SRBD1: variants seen among roughly 807,000 people sequenced by gnomAD.
The protein encoded by SRBD1 is S1 RNA binding domain 1.
SRBD1 carries 88 observed loss-of-function variants against 115.3 expected under a neutral mutation model. The observed-to-expected ratio is 0.76, with a 90% CI of 0.64 to 0.91. The LOEUF is 0.91. SRBD1 is among the 40% of genes least tolerant of loss of function. The pLI is 0.00. For synonymous variants in SRBD1, 509 were observed against 407.7 expected, an observed-to-expected ratio of 1.25 and a Z score of -2.99; for missense variants, 1,385 against 1,177.4, an observed-to-expected ratio of 1.18 and a Z score of -2.58.
At chr2:45,604,402 G>T (rs1674199816) in intron 2 of SRBD1, among the ~76,000 whole-genome samples, 1 of 149,132 alleles carries the variant, frequency 6.7e-6, no homozygotes, top group African/African-American at 2.5e-5. Context: ...GGAGGAAGGG[G>T]AGGGCTTAGA....
chr2:45,473,838 C>T (rs1669723910), intron 16 of SRBD1, among the ~76,000 whole-genome samples: 1 of 152,172 alleles, frequency 6.6e-6, no homozygotes, highest in Non-Finnish European at 1.5e-5. Context: ...GAAGACTTGT[C>T]TGTCTTCAGT....
At chr2:45,476,487 A>T (rs1232781061) in intron 16 of SRBD1, among the ~76,000 whole-genome samples, 5 of 152,160 alleles carry the variant, frequency 3.3e-5, no homozygotes, top group African/African-American at 1.2e-4. Context: ...CCATAAATTC[A>T]CTCTGCCAAG....
intron 9 of SRBD1, among the ~76,000 whole-genome samples, chr2:45,563,000 T>C (rs886850349): frequency 2.6e-5 from 4 of 152,236 alleles, no homozygotes; most frequent in Admixed American, 1.3e-4. Context: ...AGAAGAGACT[T>C]TGATGATCTA....
intron 16 of SRBD1, among the ~76,000 whole-genome samples, chr2:45,426,932 T>G (rs565400105): frequency 3.3e-5 from 5 of 152,294 alleles, no homozygotes; most frequent in Non-Finnish European, 7.4e-5. Flanking sequence ...AAAACCAGAA[T>G]GCCTCTTCTC....
chr2:45,419,447 T>C (rs781071653), intron 17 of SRBD1, among the ~76,000 whole-genome samples: 1 of 152,228 alleles, frequency 6.6e-6, no homozygotes, highest in Non-Finnish European at 1.5e-5. Context: ...GACAGATGCA[T>C]GCAAGAGGCT....
chr2:45,554,037 C>CA (rs1364108415), intron 10 of SRBD1, among the ~76,000 whole-genome samples: 1 of 152,010 alleles, frequency 6.6e-6, no homozygotes, highest in African/African-American at 2.4e-5. Flanking sequence ...AGAAAGTCAC[C>CA]AAAAAATTAT....
At chr2:45,535,556 C>A (rs1378952840) in intron 14 of SRBD1, among the ~76,000 whole-genome samples, 1 of 151,942 alleles carries the variant, frequency 6.6e-6, no homozygotes, top group Non-Finnish European at 1.5e-5. Context: ...CACAATTTCT[C>A]AACAATTACC....
At chr2:45,605,953 G>A (rs1426607781) in intron 1 of SRBD1, among the ~76,000 whole-genome samples, 1 of 151,032 alleles carries the variant, frequency 6.6e-6, no homozygotes, top group African/African-American at 2.4e-5. Flanking sequence ...CCTTCCAATG[G>A]TTTAAAACTC....
chr2:45,599,533 T>C lies in SRBD1; in HGVS notation c.564A>G (p.Thr188=), dbSNP rs1674021376. The change falls in exon 4 of 21, where the codon ACA becomes ACG. Residue 188 remains threonine (T), a synonymous_variant. Coordinates refer to ENST00000263736, the MANE Select transcript of SRBD1 (RefSeq NM_018079.5). ...QSALKKIKTE[T]YPQGQPVKFP... ...ACTTGACAGGCTGCCCCTGAGGATA[T>C]GTCTCAGTCTTGATTTTCTTTAAAG... 8 of 1,614,122 alleles carry C rather than the reference T, an allele frequency of 5.0e-6. No homozygotes were observed. The highest frequency in any genetic ancestry group is 1.3e-5 in the African/African-American group (1 of 74,940).
chr2:45,599,911 A>G, intron 3 of SRBD1, 76 bp from the exon 4 acceptor site: 5 of 1,444,132 alleles, frequency 3.5e-6, no homozygotes, highest in Non-Finnish European at 4.6e-6. Flanking sequence ...TCACAAATAA[A>G]AGTGAACAAA....
At chr2:45,471,315 T>C (rs1022158642) in intron 16 of SRBD1, among the ~76,000 whole-genome samples, 7 of 152,198 alleles carry the variant, frequency 4.6e-5, no homozygotes, top group African/African-American at 1.4e-4. Context: ...TTGTTTTTAT[T>C]CTAGAGCAAC....
At chr2:45,435,838 G>A (rs1339533551) in intron 16 of SRBD1, among the ~76,000 whole-genome samples, 1 of 152,110 alleles carries the variant, frequency 6.6e-6, no homozygotes, top group South Asian at 2.1e-4. Context: ...AACATTTAAG[G>A]AAGAAATTAT....
intron 14 of SRBD1, among the ~76,000 whole-genome samples, chr2:45,539,488 T>A (rs567943060): frequency 6.6e-6 from 1 of 152,190 alleles, no homozygotes; most frequent in African/African-American, 2.4e-5. Context: ...AGTGTAAGAA[T>A]AAAACAGAAC....
intron 14 of SRBD1, among the ~76,000 whole-genome samples, chr2:45,494,204 G>A: frequency 6.6e-6 from 1 of 152,034 alleles, no homozygotes; most frequent in East Asian, 1.9e-4. Flanking sequence ...TAAAGAAAAA[G>A]CAGGCTTATG....
chr2:45,571,477 G>C (rs1437145977), intron 9 of SRBD1, among the ~76,000 whole-genome samples: 2 of 105,952 alleles, frequency 1.9e-5, no homozygotes, highest in Non-Finnish European at 3.5e-5. Flanking sequence ...CTGATTTCCA[G>C]AGTTACCAAG....
At chr2:45,541,133 T>G (rs1671921953) in intron 14 of SRBD1, among the ~76,000 whole-genome samples, 1 of 152,222 alleles carries the variant, frequency 6.6e-6, no homozygotes, top group Non-Finnish European at 1.5e-5. Context: ...GTCCGGCCAC[T>G]GTGCAGAGCT....
intron 16 of SRBD1, among the ~76,000 whole-genome samples, chr2:45,440,316 G>C (rs1668625120): frequency 6.6e-6 from 1 of 152,090 alleles, no homozygotes. Context: ...CTTTCCTCCA[G>C]TAGGTGTTCT....
At chr2:45,580,838 C>A (rs959723199) in intron 6 of SRBD1, among the ~76,000 whole-genome samples, 2 of 151,200 alleles carry the variant, frequency 1.3e-5, no homozygotes, top group African/African-American at 2.4e-5. Context: ...GCACCCGCCA[C>A]CACGCCCAGC....
chr2:45,490,178 A>T (rs1670250212), intron 14 of SRBD1, among the ~76,000 whole-genome samples: 1 of 152,204 alleles, frequency 6.6e-6, no homozygotes, highest in African/African-American at 2.4e-5. Context: ...TAGTGAAGAA[A>T]ATGTAGTGTT....
Sources: allele counts gnomAD v4.1 joint callset (sites outside exome capture counted in the v4.1 genomes callset), GRCh38; gene constraint gnomAD v4.1.1; transcripts MANE v1.5; gene names NCBI Gene and HGNC (gene_info 2026-07-23, HGNC 2026-07-21).